The following NLRP1 variants were observed in gnomAD, a reference collection of about 807,000 sequenced individuals.
The protein encoded by NLRP1 is NLR family pyrin domain containing 1, also known as NACHT, LRR and PYD domains-containing protein 1.
A neutral mutation model predicts 136.7 loss-of-function variants in NLRP1; 94 were observed. The ratio of observed to expected loss-of-function variants is 0.69; its 90% CI spans 0.58 to 0.82. NLRP1 has a LOEUF of 0.82. Ranked by LOEUF, NLRP1 falls within the 40% of genes least tolerant of loss-of-function variation. The pLI is 0.00. For missense variants in NLRP1, 1,575 were observed against 1,802.7 expected, an observed-to-expected ratio of 0.87 and a Z score of 2.29; for synonymous variants, 690 against 725.1, an observed-to-expected ratio of 0.95 and a Z score of 0.78.
At chr17:5,546,779 T>TA (rs1912715948) in intron 5 of NLRP1, among the ~76,000 whole-genome samples, 2 of 152,188 alleles carry the variant, frequency 1.3e-5, no homozygotes, top group Admixed American at 6.5e-5. Context: ...TGTAGGTAAA[T>TA]AAAAAAAGAG....
intron 14 of NLRP1, among the ~76,000 whole-genome samples, chr17:5,520,642 C>T (rs1908773893): frequency 6.6e-6 from 1 of 152,220 alleles, no homozygotes; most frequent in Admixed American, 6.5e-5. Flanking sequence ...AGCCCAAACA[C>T]TTCCCAGTGC....
At chr17:5,501,740 C>T in exon 16 of NLRP1, 3 of 1,205,584 alleles carry the variant, frequency 2.5e-6, no homozygotes, top group East Asian at 2.3e-5. Flanking sequence ...GACCCACCTG[C>T]GGTCTACTCA....
At chr17:5,573,973 T>C (rs957381873) in intron 3 of NLRP1, among the ~76,000 whole-genome samples, 18 of 152,016 alleles carry the variant, frequency 1.2e-4, no homozygotes, top group African/African-American at 3.4e-4. Flanking sequence ...CTTTGATGAG[T>C]TGAGAGAAGA....
intron 5 of NLRP1, among the ~76,000 whole-genome samples, chr17:5,549,847 C>G (rs1404989134): frequency 1.3e-5 from 2 of 152,098 alleles, no homozygotes; most frequent in African/African-American, 2.4e-5. Flanking sequence ...CTGGTAACAA[C>G]TTTATCAGGT....
At chr17:5,549,794 A>T (rs907593290) in intron 5 of NLRP1, among the ~76,000 whole-genome samples, 1 of 152,224 alleles carries the variant, frequency 6.6e-6, no homozygotes, top group Non-Finnish European at 1.5e-5. Context: ...GAAAGCACTC[A>T]GTCATCCACC....
chr17:5,508,002 C>T (rs758550329), intron 15 of NLRP1, among the ~76,000 whole-genome samples: 15 of 152,078 alleles, frequency 9.9e-5, no homozygotes, highest in Non-Finnish European at 1.5e-4. Flanking sequence ...GGCGTGGTGG[C>T]GCACGCCTGT....
chr17:5,521,141 C>T (rs764463406), intron 13 of NLRP1, 129 bp from the exon 14 acceptor site: 13 of 880,614 alleles, frequency 1.5e-5, no homozygotes, highest in African/African-American at 1.2e-4. Context: ...CCTCCCTCCC[C>T]CCATGCACTG....
At chr17:5,573,897 C>A (rs897510987) in intron 3 of NLRP1, among the ~76,000 whole-genome samples, 1 of 152,172 alleles carries the variant, frequency 6.6e-6, no homozygotes, top group African/African-American at 2.4e-5. Flanking sequence ...AAAATCAGAG[C>A]GCCTCTCCCC....
chr17:5,533,002 C>T lies in NLRP1; in HGVS notation c.3134-18G>A, dbSNP rs954870780. 9.4e-6 allele frequency: 15 copies of T among 1,603,998 alleles called. No homozygotes were observed. Among genetic ancestry groups the T allele is most frequent in the East Asian group, 2.2e-5 (1 of 44,786 alleles). ...GCTTTCCTCTGAAACAGCAAGGCAG[C>T]GGTCAGCTCCAGATTCTCCCGCCTG... On this transcript the variant is annotated intron_variant, in intron 10 of 16. Coordinates refer to ENST00000572272, the MANE Select transcript of NLRP1 (RefSeq NM_033004.4).
intron 3 of NLRP1, among the ~76,000 whole-genome samples, chr17:5,563,927 A>T (rs1267328000): frequency 1.3e-5 from 2 of 152,250 alleles, no homozygotes; most frequent in Non-Finnish European, 2.9e-5. Flanking sequence ...GAACCTCATC[A>T]GGCTAACAGT....
intron 15 of NLRP1, chr17:5,503,340 C>T (rs995585463): frequency 6.6e-6 from 1 of 152,240 alleles, no homozygotes; most frequent in Non-Finnish European, 1.5e-5. Context: ...TCTCAGTAAC[C>T]AAGAGGGTCT....
downstream of NLRP1, among the ~76,000 whole-genome samples, chr17:5,511,357 G>A (rs1170454945): frequency 6.6e-6 from 1 of 151,874 alleles, no homozygotes; most frequent in African/African-American, 2.4e-5. Flanking sequence ...GTTTGAACCC[G>A]GGAGGTGGAG....
intron 3 of NLRP1, among the ~76,000 whole-genome samples, chr17:5,568,400 TTTGA>T (rs901516964): frequency 1.3e-5 from 2 of 152,282 alleles, no homozygotes; most frequent in East Asian, 1.9e-4. Context: ...AGAATTTCTG[TTTGA>T]TTATTTTTAA....
rs1189530133 is a variant in NLRP1 at position 5,553,323 on chromosome 17, T to C, written c.2528+63A>G. On this transcript the variant is annotated intron_variant, in intron 5 of 16. Coordinates refer to ENST00000572272, the MANE Select transcript of NLRP1 (RefSeq NM_033004.4). ...CAAAGACAAATCCCTCAGCCCAGAC[T>C]CAGCTTCTGCCTTGGATCTCTTCCC... 3.4e-6 allele frequency: 5 copies of C among 1,450,154 alleles called. No individual in the cohort carries two copies. The African/African-American group carries it at 5.7e-5, about 16-fold the overall frequency. 89.8% of individuals were successfully genotyped at this position (1,450,154 alleles called of 1,614,324 possible).
downstream of NLRP1, among the ~76,000 whole-genome samples, chr17:5,510,883 C>T (rs1270495729): frequency 6.6e-6 from 1 of 152,126 alleles, no homozygotes; most frequent in Admixed American, 6.6e-5. Flanking sequence ...TCTGTTATCA[C>T]TGGCACCTAC....
chr17:5,529,961 T>G (rs185259881), intron 12 of NLRP1: 3 of 456,454 alleles, frequency 6.6e-6, no homozygotes, highest in Non-Finnish European at 1.3e-5. Flanking sequence ...GGAGGTGACA[T>G]AAAATCATAC....
chr17:5,558,963 C>T lies in NLRP1; in HGVS notation c.1733G>A (p.Gly578Asp). The change falls in exon 4 of 17, where the codon GGC becomes GAC. Residue 578 changes from glycine to aspartate, a missense_variant. Transcript: ENST00000572272. ...GAAAAGGGTCTTTTTTTGCCAGATG[C>T]CCTCAGCAGCCAGAGAGCAGAGGTC... ...LRDLCSLAAE[G>D]IWQKKTLFSP... is the part of the protein sequence containing the mutation. 2 of 1,614,028 alleles carry T rather than the reference C, an allele frequency of 1.2e-6. No homozygotes were observed. The highest frequency in any genetic ancestry group is 1.7e-6 in the Non-Finnish European group (2 of 1,179,968).
At position 5,560,035 on chromosome 17, in the gene NLRP1, CTCTGATT is replaced by C; in HGVS notation, c.654_660del (p.Ile219LysfsTer18). On this transcript the variant is annotated frameshift_variant and splice_region_variant, in exon 4 of 17. Coordinates refer to ENST00000572272, the MANE Select transcript of NLRP1 (RefSeq NM_033004.4). LOFTEE classifies it high-confidence loss of function. ...TTCTCTGATTTCTCTCTCTCTCTTTCTCTGATTTCTAAGTAAGGGAGGGAAAGAAGGA... is the reference window on the plus strand; with the variant it reads ...TTCTCTGATTTCTCTCTCTCTCTTTCTCTAAGTAAGGGAGGGAAAGAAGGA... 1.9e-6 allele frequency: 3 copies of C among 1,556,794 alleles called. No individual in the cohort carries two copies. Among genetic ancestry groups the C allele is most frequent in the Non-Finnish European group, 2.6e-6 (3 of 1,155,958 alleles).
rs1820652798 is a variant in NLRP1, at chr17:5,530,560, C to T, written c.3441G>A (p.Val1147=). The T allele has an allele frequency of 6.2e-7, 1 of 1,614,218 alleles. No individual in the cohort carries two copies. Residue 1147 remains valine, a synonymous_variant, in exon 12 of 17, where the codon GTG becomes GTA. Coordinates refer to ENST00000572272, the MANE Select transcript of NLRP1 (RefSeq NM_033004.4). ...CCTTGATGTCCAGCAGAGGCCCTGC[C>T]ACCATCCAGCTGTGCTGTGGGTTGA... ...GEINPQHSWM[V]AGPLLDIKAE...
Sources: gnomAD v4.1 joint callset for allele counts (sites outside exome capture counted in the v4.1 genomes callset) on GRCh38, gnomAD v4.1.1 for gene constraint, MANE v1.5 for transcripts, NCBI Gene and HGNC (gene_info 2026-07-23, HGNC 2026-07-21) for gene names.